TMTC4: variants seen among roughly 807,000 people sequenced by gnomAD.
TMTC4 encodes the protein protein O-mannosyl-transferase TMTC4.
A neutral mutation model predicts 86.0 loss-of-function variants in TMTC4; 65 were observed. That is an observed-to-expected ratio of 0.76 (90% CI 0.62 to 0.93). TMTC4 has a LOEUF of 0.93. Among genes scored for constraint, TMTC4 ranks in the 40% least tolerant of loss-of-function variants. The pLI is 0.00. For missense variants in TMTC4, 866 were observed against 948.1 expected (o/e 0.91, Z 1.14); for synonymous variants, 379 against 382.5 (o/e 0.99, Z 0.11).
At chr13:100,664,152 C>T (rs1594373553) in intron 4 of TMTC4, 69 bp downstream of exon 4, 1 of 1,357,602 alleles carries the variant, frequency 7.4e-7, no homozygotes, top group Non-Finnish European at 1.0e-6. Context: ...CCTGGTGACA[C>T]ACACCTGTAT....
intron 12 of TMTC4, among the ~76,000 whole-genome samples, chr13:100,628,432 T>C (rs528843382): frequency 1.3e-5 from 2 of 152,346 alleles, no homozygotes; most frequent in African/African-American, 4.8e-5. Context: ...TTTTTAGCTA[T>C]TGTGAATAAC....
At chr13:100,619,903 A>G (rs1879220869) in intron 15 of TMTC4, among the ~76,000 whole-genome samples, 2 of 152,206 alleles carry the variant, frequency 1.3e-5, no homozygotes, top group African/African-American at 2.4e-5. Context: ...AGAACAACCA[A>G]CGTAACTTCC....
intron 1 of TMTC4, among the ~76,000 whole-genome samples, chr13:100,672,433 A>G (rs1489734188): frequency 6.6e-6 from 1 of 152,212 alleles, no homozygotes; most frequent in Non-Finnish European, 1.5e-5. Context: ...CCTGGCACTC[A>G]GTTAAAAGAA....
intron 15 of TMTC4, among the ~76,000 whole-genome samples, chr13:100,622,084 GCAGGTAA>G (rs1303571189): frequency 6.6e-6 from 1 of 152,184 alleles, no homozygotes; most frequent in African/African-American, 2.4e-5. Flanking sequence ...CAACATCAAA[GCAGGTAA>G]CTAGGTCATA....
At chr13:100,616,619 G>A (rs1286433758) in intron 15 of TMTC4, among the ~76,000 whole-genome samples, 1 of 152,186 alleles carries the variant, frequency 6.6e-6, no homozygotes, top group Non-Finnish European at 1.5e-5. Context: ...CACAGTGGAT[G>A]AACTAATTTA....
chr13:100,632,053 A>ACACACACACACACACACACACT (rs1296569630), intron 12 of TMTC4, among the ~76,000 whole-genome samples: 13 of 43,142 alleles, frequency 3.0e-4, no homozygotes, highest in African/African-American at 1.1e-3. Context: ...ACACACACAC[A>ACACACACACACACACACACACT]CTCTCTCTCT....
In TMTC4 at chr13:100,670,260, A is replaced by T. The variant is rs1886920551; in HGVS notation, c.3+100T>A. On this transcript the variant is annotated intron_variant, in intron 2 of 18. Transcript: ENST00000342624. Reference sequence around the variant, plus strand: ...GGATACCCCAGATTATGGAATCAATAAGAAGCCAGCCAAATAGGCCACCTG... The same window carrying T: ...GGATACCCCAGATTATGGAATCAATTAGAAGCCAGCCAAATAGGCCACCTG... 3.6e-6 allele frequency: 5 copies of T among 1,404,324 alleles called. No homozygotes were observed. In the East Asian group the frequency reaches 1.2e-4, roughly 35 times the overall value. The allele number at this position is 1,404,324 out of a possible 1,614,324, so 87.0% of individuals were successfully genotyped here. A position where few individuals can be genotyped will look rare whatever the true frequency, so the allele number is the denominator to read the frequency against.
Position 100,650,911 on chromosome 13 carries a change from T to C in TMTC4, c.640+5470A>G, listed in dbSNP as rs74115011. 3.3e-3 allele frequency among the ~76,000 whole-genome samples: 503 copies of C among 152,358 alleles called. 3 individuals are homozygous for C. Among genetic ancestry groups the C allele is most frequent in the African/African-American group, 0.011 (472 of 41,588 alleles). On this transcript the variant is annotated intron_variant, in intron 6 of 18. Transcript: ENST00000342624. ...TCAGAATGAAAATATGAGGCAATGA[T>C]ATCCCAAGAGCAAGATTTATCCCAT...
chr13:100,655,014 CTA>C (rs1312925334), intron 6 of TMTC4, among the ~76,000 whole-genome samples: 2 of 107,448 alleles, frequency 1.9e-5, no homozygotes, highest in Non-Finnish European at 3.8e-5. Flanking sequence ...GCCACAACGC[CTA>C]TTTTTTTTTT....
intron 15 of TMTC4, among the ~76,000 whole-genome samples, chr13:100,622,224 T>C (rs1024255668): frequency 6.6e-6 from 1 of 152,218 alleles, no homozygotes; most frequent in Non-Finnish European, 1.5e-5. Context: ...CATCATGCCA[T>C]TCCATGAGTT....
intron 6 of TMTC4, among the ~76,000 whole-genome samples, chr13:100,650,206 A>G (rs1348729702): frequency 6.6e-6 from 1 of 152,264 alleles, no homozygotes; most frequent in Admixed American, 6.5e-5. Flanking sequence ...AGAATTGACC[A>G]GAGACATGCC....
chr13:100,634,404 C>T (rs1881896053), intron 12 of TMTC4, among the ~76,000 whole-genome samples: 1 of 152,060 alleles, frequency 6.6e-6, no homozygotes, highest in Non-Finnish European at 1.5e-5. Context: ...TTGGAGGAGG[C>T]TAGTTAATGC....
intron 15 of TMTC4, among the ~76,000 whole-genome samples, chr13:100,622,607 T>G (rs573195949): frequency 6.6e-6 from 1 of 152,128 alleles, no homozygotes; most frequent in African/African-American, 2.4e-5. Context: ...CCATGTAAGA[T>G]GTGCCTTTCA....
chr13:100,614,188 T>C, intron 16 of TMTC4, 128 bp downstream of exon 16: 1 of 726,916 alleles, frequency 1.4e-6, no homozygotes, highest in East Asian at 2.7e-5. Context: ...TAGAAAATAA[T>C]TAACTTCACA....
chr13:100,638,027 GA>G lies in TMTC4; in HGVS notation c.742-6del. 1 of 1,612,936 alleles carries G rather than the reference GA, an allele frequency of 6.2e-7. No individual in the cohort carries two copies. ...GTCAAATACCGCATTTAAACCCTAA[GA>G]AAGCAAAGCAAGACAATCAGCCACG... On this transcript the variant is annotated splice_polypyrimidine_tract_variant and splice_region_variant and intron_variant, in intron 7 of 18. Transcript: ENST00000342624.
Position 100,612,445 on chromosome 13 carries a change from G to GA in TMTC4, c.2016dup (p.Leu673SerfsTer19), listed in dbSNP as rs1254084911. ...AGCACGTTTGCCAACGAGAACATGAGAGAGTGATCATTAGGTATTAATTCC... is the reference window on the plus strand; with the variant it reads ...AGCACGTTTGCCAACGAGAACATGAGAAGAGTGATCATTAGGTATTAATTCC... On this transcript the variant is annotated frameshift_variant, in exon 17 of 19. Transcript: ENST00000342624. LOFTEE classifies it high-confidence loss of function. 6.2e-7 allele frequency: 1 copy of GA among 1,611,716 alleles called. No individual in the cohort carries two copies. The highest frequency in any genetic ancestry group is 8.5e-7 in the Non-Finnish European group (1 of 1,179,264).
intron 12 of TMTC4, among the ~76,000 whole-genome samples, chr13:100,631,044 C>T (rs1042027220): frequency 6.6e-6 from 1 of 152,196 alleles, no homozygotes; most frequent in Non-Finnish European, 1.5e-5. Flanking sequence ...ATCTCACAAC[C>T]AGGTCACTTA....
chr13:100,632,159 T>C (rs1238101483), intron 12 of TMTC4, among the ~76,000 whole-genome samples: 6 of 151,750 alleles, frequency 4.0e-5, no homozygotes, highest in Non-Finnish European at 8.8e-5. Context: ...GCCTGTAACA[T>C]ATGAAATCAC....
chr13:100,634,718 G>A (rs1026221831), intron 12 of TMTC4, 87 bp downstream of exon 12: 17 of 1,499,650 alleles, frequency 1.1e-5, no homozygotes, highest in Admixed American at 1.1e-4. Flanking sequence ...ACTAAATACT[G>A]CGCGACAGGA....
Sources: gnomAD v4.1 joint callset for allele counts (sites outside exome capture counted in the v4.1 genomes callset) on GRCh38, gnomAD v4.1.1 for gene constraint, MANE v1.5 for transcripts, NCBI Gene and HGNC (gene_info 2026-07-23, HGNC 2026-07-21) for gene names.